PPP2R2C: variants seen among roughly 807,000 people sequenced by gnomAD.
PPP2R2C encodes the protein protein phosphatase 2, regulatory subunit B, gamma.
In PPP2R2C, 10 loss-of-function variants were observed where a neutral mutation model predicts 45.3. That is an observed-to-expected ratio of 0.22 (90% CI 0.14 to 0.37). PPP2R2C has a LOEUF of 0.37. Ranked by LOEUF, PPP2R2C falls within the 10% of genes least tolerant of loss-of-function variation. The pLI, the probability that PPP2R2C is intolerant of heterozygous loss-of-function variation, is 1.00. For missense variants in PPP2R2C, 308 were observed against 619.7 expected (o/e 0.50, Z 5.34); for synonymous variants, 257 against 245.4 (o/e 1.05, Z -0.44).
rs1732412520 is a variant in PPP2R2C at position 6,331,511 on chromosome 4, G to A, written c.960+2051C>T. ...AACCATTAATCTTCCCAGCCACTATGGTGGCTGCCAGGGACCCATTCTAGA... is the reference window on the plus strand; with the variant it reads ...AACCATTAATCTTCCCAGCCACTATAGTGGCTGCCAGGGACCCATTCTAGA... On this transcript the variant is annotated intron_variant, in intron 7 of 8. Transcript: ENST00000382599. The surrounding 1 kb of genome is among the most constrained non-coding windows in gnomAD (Gnocchi z 5.9). 6.6e-6 allele frequency among the ~76,000 whole-genome samples: 1 copy of A among 152,160 alleles called. No homozygotes were observed. The highest frequency in any genetic ancestry group is 2.4e-5 in the African/African-American group (1 of 41,434).
At position 6,364,640 on chromosome 4, in the gene PPP2R2C, T is replaced by A. The variant is rs1714116641; in HGVS notation, c.625+7883A>T. 1.3e-5 allele frequency among the ~76,000 whole-genome samples: 2 copies of A among 152,146 alleles called. No individual in the cohort carries two copies. The highest frequency in any genetic ancestry group is 2.9e-5 in the Non-Finnish European group (2 of 68,028). ...AGCACCCAGTCCTCAAGCAGCCGTA[T>A]GGTGTCAGCAGGGGCTTTTCCTCGC... On this transcript the variant is annotated intron_variant, in intron 5 of 8. Transcript: ENST00000382599. This position sits in a 1 kb window ranked among gnomAD's most constrained non-coding sequence, Gnocchi z 5.3.
intron 5 of PPP2R2C, chr4:6,350,974 T>C (rs1360141594): frequency 1.0e-6 from 1 of 985,236 alleles, no homozygotes; most frequent in Non-Finnish European, 1.2e-6. Flanking sequence ...CCAAACGCTC[T>C]TTCCTTTCCC....
intron 1 of PPP2R2C, among the ~76,000 whole-genome samples, chr4:6,397,054 G>A (rs894160751): frequency 6.6e-6 from 1 of 152,172 alleles, no homozygotes. Flanking sequence ...GCTCACTCTG[G>A]GCCAAGTGAG....
chr4:6,344,974 G>A (rs967160135), intron 6 of PPP2R2C, among the ~76,000 whole-genome samples: 6 of 152,126 alleles, frequency 3.9e-5, no homozygotes, highest in African/African-American at 1.4e-4. Context: ...TTGCACACAA[G>A]TTTTCCTAAT....
At chr4:6,418,515 C>A (rs1718748482) in intron 1 of PPP2R2C, among the ~76,000 whole-genome samples, 2 of 152,252 alleles carry the variant, frequency 1.3e-5, no homozygotes. Context: ...CCTGCATCTC[C>A]CAGGTGAACC....
rs181376152 is a variant in PPP2R2C, at chr4:6,388,331, C to T, written c.71-7237G>A. 1.1e-3 allele frequency among the ~76,000 whole-genome samples: 172 copies of T among 152,306 alleles called. 2 individuals carry two copies. The highest frequency in any genetic ancestry group is 2.1e-4 in the South Asian group (1 of 4,832). On this transcript the variant is annotated intron_variant, in intron 1 of 8. Transcript: ENST00000382599. ...ACCCGCCCAGTAACAGGTCCCTGCA[C>T]GCCAGAGCCAGAGATGGGCAAAGAT...
chr4:6,472,115 C>T (rs1359461423), intron 1 of PPP2R2C, 45 bp downstream of exon 1: 2 of 1,612,064 alleles, frequency 1.2e-6, no homozygotes, highest in Non-Finnish European at 1.7e-6. Flanking sequence ...ACGGCATCCC[C>T]ACGCCGCGGC....
intron 1 of PPP2R2C, among the ~76,000 whole-genome samples, chr4:6,446,016 G>T (rs909304576): frequency 6.6e-6 from 1 of 152,222 alleles, no homozygotes; most frequent in Non-Finnish European, 1.5e-5. Flanking sequence ...GTGCACATGG[G>T]TGTGGGCTGT....
At chr4:6,468,644 C>A (rs1733192419) in intron 1 of PPP2R2C, among the ~76,000 whole-genome samples, 1 of 152,114 alleles carries the variant, frequency 6.6e-6, no homozygotes, top group Admixed American at 6.5e-5. Context: ...GAACCACCTC[C>A]CCTTGGCTGA....
chr4:6,377,175 G>A (rs1383244443), intron 3 of PPP2R2C, among the ~76,000 whole-genome samples: 2 of 152,246 alleles, frequency 1.3e-5, no homozygotes, highest in Non-Finnish European at 2.9e-5. Context: ...GCTGAGGAGC[G>A]TGGACGTCCT....
chr4:6,338,058 C>T (rs1229636425), intron 6 of PPP2R2C, among the ~76,000 whole-genome samples: 1 of 152,034 alleles, frequency 6.6e-6, no homozygotes, highest in Non-Finnish European at 1.5e-5. Flanking sequence ...ACACACCCCG[C>T]TGCACCACCT....
chr4:6,330,329 A>G lies in PPP2R2C; in HGVS notation c.961-976T>C, dbSNP rs940875430. Among the ~76,000 whole-genome samples, 1 of 152,246 alleles carries G rather than the reference A, an allele frequency of 6.6e-6. No individual in the cohort carries two copies. The highest frequency in any genetic ancestry group is 1.5e-5 in the Non-Finnish European group (1 of 68,044). On this transcript the variant is annotated intron_variant, in intron 7 of 8. Transcript: ENST00000382599. This position sits in a 1 kb window ranked among gnomAD's most constrained non-coding sequence, Gnocchi z 7.0. ...CCAGGAGTTGAAATTAACAACTCCA[A>G]CGAACACAGAAAATGTGAAGGGTGG... is the stretch of plus-strand genomic sequence containing the variant.
At chr4:6,376,056 G>A (rs577377897) in intron 3 of PPP2R2C, 125 bp from the exon 4 acceptor site, 9 of 775,496 alleles carry the variant, frequency 1.2e-5, no homozygotes, top group African/African-American at 8.8e-5. Flanking sequence ...GCCAACAGAC[G>A]GCTTTGGACC....
At position 6,472,404 on chromosome 4, in the gene PPP2R2C, G is replaced by A. The variant is rs1221768407; in HGVS notation, c.-175C>T. 3 of 870,952 alleles carry A rather than the reference G, an allele frequency of 3.4e-6. No homozygotes were observed. The highest frequency in any genetic ancestry group is 4.1e-6 in the Non-Finnish European group (3 of 727,150). The allele number at this position is 870,952 out of a possible 1,614,324, so 54.0% of individuals were successfully genotyped here. The stretch of plus-strand genomic sequence containing the variant: ...GACGGGCGGGGGCGGCCGGGGGCGG[G>A]CGCCGCGGTCAAGCGAGCGCGCGGT... On this transcript the variant is annotated 5_prime_UTR_variant, in exon 1 of 9. Transcript: ENST00000382599.
At chr4:6,504,440 T>C (rs1723156000) in intron 2 of PPP2R2C, among the ~76,000 whole-genome samples, 1 of 150,504 alleles carries the variant, frequency 6.6e-6, no homozygotes, top group Non-Finnish European at 1.5e-5. Flanking sequence ...GATGTAAGAA[T>C]AAATAAAACC....
At position 6,324,346 on chromosome 4, in the gene PPP2R2C, T is replaced by C. The variant is rs1182252952; in HGVS notation, c.1053-753A>G. 6.6e-6 allele frequency among the ~76,000 whole-genome samples: 1 copy of C among 152,006 alleles called. No homozygotes were observed. Among genetic ancestry groups the C allele is most frequent in the Non-Finnish European group, 1.5e-5 (1 of 67,980 alleles). On this transcript the variant is annotated intron_variant, in intron 8 of 8. Coordinates refer to ENST00000382599, the MANE Select transcript of PPP2R2C (RefSeq NM_020416.4). The surrounding 1 kb of genome is among the most constrained non-coding windows in gnomAD (Gnocchi z 4.1). ...ACTCAGGAGGCTGAGGCAGGAGAGTTGCTTGAATCCAGGAGGCAAGGTTGT... is the reference window on the plus strand; with the variant it reads ...ACTCAGGAGGCTGAGGCAGGAGAGTCGCTTGAATCCAGGAGGCAAGGTTGT...
intron 5 of PPP2R2C, among the ~76,000 whole-genome samples, chr4:6,355,425 G>C (rs987905469): frequency 6.6e-6 from 1 of 151,952 alleles, no homozygotes; most frequent in South Asian, 2.1e-4. Flanking sequence ...GCTAGATGAC[G>C]AGTTAGTGGG....
At chr4:6,443,230 G>T (rs1462895034) in intron 1 of PPP2R2C, among the ~76,000 whole-genome samples, 1 of 152,178 alleles carries the variant, frequency 6.6e-6, no homozygotes, top group African/African-American at 2.4e-5. Context: ...CGCCTGGCAG[G>T]ACTAATTCCA....
chr4:6,383,283 C>T (rs1715987727), intron 1 of PPP2R2C: 1 of 1,252,468 alleles, frequency 8.0e-7, no homozygotes, highest in Non-Finnish European at 1.0e-6. Flanking sequence ...GCCCCACTGA[C>T]CCACAGAGCA....
Sources: gnomAD v4.1 joint callset for allele counts (sites outside exome capture counted in the v4.1 genomes callset) on GRCh38, gnomAD v4.1.1 for gene constraint, Gnocchi (gnomAD v3.1) non-coding constraint, MANE v1.5 for transcripts, NCBI Gene and HGNC (gene_info 2026-07-23, HGNC 2026-07-21) for gene names.